The following TGFBR3 variants were observed in gnomAD, a reference collection of about 807,000 sequenced individuals.
The protein encoded by TGFBR3 is transforming growth factor beta receptor type 3.
TGFBR3 carries 46 observed loss-of-function variants against 87.9 expected under a neutral mutation model. The observed-to-expected ratio is 0.52, with a 90% CI of 0.41 to 0.67. The LOEUF (loss-of-function observed/expected upper bound fraction) is 0.67, where lower values mean the gene tolerates loss of function less well. Ranked by LOEUF, TGFBR3 falls within the 30% of genes least tolerant of loss-of-function variation. The probability of loss-of-function intolerance (pLI) is 0.00; values close to 1 mark genes in which losing one functional copy is unlikely to be tolerated. For missense variants in TGFBR3, 866 were observed against 1,041.9 expected (o/e 0.83, Z 2.32); for synonymous variants, 381 against 391.6 (o/e 0.97, Z 0.32).
chr1:91,798,858 G>A (rs1027776122), intron 2 of TGFBR3, among the ~76,000 whole-genome samples: 3 of 152,220 alleles, frequency 2.0e-5, no homozygotes, highest in African/African-American at 7.2e-5. Flanking sequence ...TGGCTGTAGG[G>A]AATAAGGGAA....
At chr1:91,710,119 T>A (rs1200846858) in intron 13 of TGFBR3, among the ~76,000 whole-genome samples, 1 of 152,224 alleles carries the variant, frequency 6.6e-6, no homozygotes, top group Non-Finnish European at 1.5e-5. Context: ...GCCATCATTT[T>A]AAGTCTATAG....
Position 91,698,125 on chromosome 1 carries a change from C to G in TGFBR3, c.2293G>C (p.Gly765Arg), listed in dbSNP as rs17882828. Residue 765 changes from glycine (G) to arginine (R), a missense_variant, in exon 15 of 17, where the codon GGT becomes CGT. Coordinates refer to ENST00000212355, the MANE Select transcript of TGFBR3 (RefSeq NM_003243.5). ...IHHEAESKEK[G>R]PSMKEPNPIS... The stretch of plus-strand genomic sequence containing the variant: ...GGATTTGGTTCCTTCATGCTTGGAC[C>G]TTTTTCTGAAACAAAAACATAAATC... The G allele has an allele frequency of 4.0e-3, 6,417 of 1,613,652 alleles. 52 individuals carry two copies. The highest frequency in any genetic ancestry group is 0.034 in the East Asian group (1,506 of 44,844).
intron 5 of TGFBR3, among the ~76,000 whole-genome samples, chr1:91,732,892 C>T (rs1223903141): frequency 2.0e-5 from 3 of 152,144 alleles, no homozygotes; most frequent in Admixed American, 6.5e-5. Flanking sequence ...CATGCACTGC[C>T]GAGAGAACAC....
At chr1:91,729,209 G>A (rs1672670656) in intron 6 of TGFBR3, among the ~76,000 whole-genome samples, 4 of 119,842 alleles carry the variant, frequency 3.3e-5, no homozygotes, top group Admixed American at 9.2e-5. Flanking sequence ...AGCACACAAG[G>A]GAGAGGCAAG....
At chr1:91,759,678 G>C (rs939266864) in intron 3 of TGFBR3, among the ~76,000 whole-genome samples, 10 of 152,130 alleles carry the variant, frequency 6.6e-5, no homozygotes, top group African/African-American at 2.2e-4. Flanking sequence ...GGGGAGGCAA[G>C]ACCCAAGAAT....
chr1:91,747,831 C>T (rs1035784586), intron 4 of TGFBR3, among the ~76,000 whole-genome samples: 1 of 152,248 alleles, frequency 6.6e-6, no homozygotes, highest in African/African-American at 2.4e-5. Flanking sequence ...AAAATTCCAC[C>T]TGTGGACAGC....
intron 2 of TGFBR3, among the ~76,000 whole-genome samples, chr1:91,805,724 A>G (rs1280669446): frequency 2.6e-5 from 4 of 152,106 alleles, no homozygotes; most frequent in Non-Finnish European, 5.9e-5. Flanking sequence ...CTGGGGGTTA[A>G]CTCTTCATAT....
chr1:91,783,615 T>C (rs371833015), intron 3 of TGFBR3, among the ~76,000 whole-genome samples: 1 of 152,188 alleles, frequency 6.6e-6, no homozygotes, highest in Non-Finnish European at 1.5e-5. Flanking sequence ...CAACTTCCTG[T>C]AGGATTCTGG....
intron 3 of TGFBR3, among the ~76,000 whole-genome samples, chr1:91,777,356 C>T (rs893070224): frequency 6.6e-6 from 1 of 152,202 alleles, no homozygotes; most frequent in African/African-American, 2.4e-5. Context: ...TCAGATGAAG[C>T]TTTCACAGCT....
chr1:91,817,278 T>G (rs1676267077), intron 2 of TGFBR3, among the ~76,000 whole-genome samples: 1 of 152,196 alleles, frequency 6.6e-6, no homozygotes, highest in South Asian at 2.1e-4. Flanking sequence ...GGAAACTGTT[T>G]TCCACGGTCC....
chr1:91,783,327 T>C (rs372495353), intron 3 of TGFBR3: 3 of 152,202 alleles, frequency 2.0e-5, no homozygotes, highest in African/African-American at 7.2e-5. Flanking sequence ...TGCTTTGGAC[T>C]AGAACCCTGT....
chr1:91,839,323 T>C (rs1438269725), intron 2 of TGFBR3, among the ~76,000 whole-genome samples: 1 of 152,212 alleles, frequency 6.6e-6, no homozygotes, highest in Non-Finnish European at 1.5e-5. Flanking sequence ...TCTTCTTTAC[T>C]ATTACACCTA....
At chr1:91,822,885 C>T (rs1676503688) in intron 2 of TGFBR3, among the ~76,000 whole-genome samples, 1 of 152,138 alleles carries the variant, frequency 6.6e-6, no homozygotes, top group African/African-American at 2.4e-5. Context: ...AAGATCACAC[C>T]ACTGCACTCC....
At chr1:91,783,730 G>C (rs1275668777) in intron 3 of TGFBR3, among the ~76,000 whole-genome samples, 1 of 152,124 alleles carries the variant, frequency 6.6e-6, no homozygotes, top group African/African-American at 2.4e-5. Flanking sequence ...AAAGGAAAAA[G>C]CCATATTAAA....
intron 2 of TGFBR3, among the ~76,000 whole-genome samples, chr1:91,833,189 G>C (rs1338040906): frequency 6.8e-6 from 1 of 147,404 alleles, no homozygotes; most frequent in Non-Finnish European, 1.5e-5. Flanking sequence ...CCAGCTACTT[G>C]GAAGGCTGAG....
intron 7 of TGFBR3, among the ~76,000 whole-genome samples, chr1:91,724,680 C>A (rs1400754473): frequency 6.6e-6 from 1 of 152,184 alleles, no homozygotes; most frequent in Non-Finnish European, 1.5e-5. Context: ...CAGCTTTGAG[C>A]AAATTCTCAC....
intron 6 of TGFBR3, 115 bp downstream of exon 6, chr1:91,729,690 C>T: frequency 1.6e-6 from 2 of 1,236,566 alleles, no homozygotes; most frequent in South Asian, 2.4e-5. Flanking sequence ...ATCAATGGCT[C>T]CCTTCCCTCC....
intron 3 of TGFBR3, among the ~76,000 whole-genome samples, chr1:91,791,701 G>A (rs1345070082): frequency 6.6e-6 from 1 of 152,190 alleles, no homozygotes; most frequent in Non-Finnish European, 1.5e-5. Context: ...TTGCACTGTA[G>A]AATCCAACAG....
chr1:91,705,222 T>C (rs1671756235), intron 14 of TGFBR3, among the ~76,000 whole-genome samples: 1 of 124,520 alleles, frequency 8.0e-6, no homozygotes, highest in African/African-American at 2.9e-5. Context: ...CACAGTCTCT[T>C]TTCTTTTTTT....
Sources: gnomAD v4.1 joint callset for allele counts (sites outside exome capture counted in the v4.1 genomes callset) on GRCh38, gnomAD v4.1.1 for gene constraint, MANE v1.5 for transcripts, NCBI Gene and HGNC (gene_info 2026-07-23, HGNC 2026-07-21) for gene names.